RELN: variants seen among roughly 807,000 people sequenced by gnomAD.
RELN encodes reelin.
Under a neutral mutation model 427.6 loss-of-function variants are expected in RELN, and 108 were observed. The observed-to-expected ratio is 0.25, with a 90% CI of 0.22 to 0.30. The LOEUF is 0.30. Among genes scored for constraint, RELN ranks in the 10% least tolerant of loss-of-function variants. RELN has a pLI of 1.00. For synonymous variants in RELN, 1,524 were observed against 1,513.4 expected (o/e 1.01, Z -0.16); for missense variants, 3,715 against 4,302.8 (o/e 0.86, Z 3.82).
chr7:103,625,585 A>G (rs1832311642), intron 20 of RELN, among the ~76,000 whole-genome samples: 1 of 152,160 alleles, frequency 6.6e-6, no homozygotes, highest in Non-Finnish European at 1.5e-5. Flanking sequence ...GGTATTTGCT[A>G]TCTATGATCT....
chr7:103,766,516 T>C (rs1791427840), intron 4 of RELN, among the ~76,000 whole-genome samples: 1 of 152,210 alleles, frequency 6.6e-6, no homozygotes, highest in African/African-American at 2.4e-5. Flanking sequence ...AGATCTGATC[T>C]ACAATTTTTA....
intron 16 of RELN, among the ~76,000 whole-genome samples, chr7:103,645,177 G>A (rs2117373684): frequency 6.6e-6 from 1 of 151,760 alleles, no homozygotes; most frequent in African/African-American, 2.4e-5. Flanking sequence ...AAAAACAAAT[G>A]ACAGTATAAA....
intron 1 of RELN, among the ~76,000 whole-genome samples, chr7:103,973,689 ATGT>A (rs1305881301): frequency 4.6e-5 from 7 of 152,196 alleles, no homozygotes; most frequent in African/African-American, 1.4e-4. Context: ...ATACAGTAAA[ATGT>A]TGTGGAGCCA....
intron 46 of RELN, among the ~76,000 whole-genome samples, chr7:103,524,059 T>C (rs1418580538): frequency 6.6e-6 from 1 of 152,178 alleles, no homozygotes; most frequent in Non-Finnish European, 1.5e-5. Flanking sequence ...ATCATACAAT[T>C]TGGCCAAGTG....
At chr7:103,530,158 A>G (rs140167407) in intron 46 of RELN, among the ~76,000 whole-genome samples, 15 of 152,206 alleles carry the variant, frequency 9.9e-5, no homozygotes, top group African/African-American at 1.9e-4. Context: ...GTCTCTGTCA[A>G]ATGGACATTT....
intron 2 of RELN, among the ~76,000 whole-genome samples, chr7:103,906,104 A>G (rs1358356663): frequency 6.6e-6 from 1 of 152,054 alleles, no homozygotes; most frequent in African/African-American, 2.4e-5. Flanking sequence ...AGGTGTCTGG[A>G]AAAGAGGCTG....
chr7:103,531,329 C>T (rs747865846), intron 46 of RELN, among the ~76,000 whole-genome samples: 1 of 152,218 alleles, frequency 6.6e-6, no homozygotes, highest in Non-Finnish European at 1.5e-5. Flanking sequence ...AAATCATCTT[C>T]TTTCAGGAAG....
chr7:103,757,212 C>CT (rs1791181812), intron 4 of RELN, among the ~76,000 whole-genome samples: 1 of 152,124 alleles, frequency 6.6e-6, no homozygotes, highest in Admixed American at 6.5e-5. Flanking sequence ...GGCCTTTACT[C>CT]TTTCCTGTAT....
intron 2 of RELN, among the ~76,000 whole-genome samples, chr7:103,860,712 C>A (rs1334459555): frequency 6.6e-6 from 1 of 151,916 alleles, no homozygotes; most frequent in African/African-American, 2.4e-5. Context: ...CACCCGGCCC[C>A]AATTATAATT....
At chr7:103,566,152 T>C (rs2117187980) in intron 33 of RELN, 72 bp downstream of exon 33, 1 of 1,355,760 alleles carries the variant, frequency 7.4e-7, no homozygotes, top group Non-Finnish European at 1.1e-6. Flanking sequence ...TAGAAAGTTT[T>C]CTCCTGACTT....
In RELN at chr7:103,949,479, G is replaced by A. The variant is rs147531877; in HGVS notation, c.227-32294C>T. ...ATAAACGAGGAGCCCTCACGAACGC[G>A]ATTAGTGCTCTTAGAGGAAGAGACA... On this transcript the variant is annotated intron_variant, in intron 1 of 64. Transcript: ENST00000428762. Among the ~76,000 whole-genome samples, 219 of 152,120 alleles carry A rather than the reference G, an allele frequency of 1.4e-3. 3 individuals are homozygous for A. The East Asian group carries it at 0.035, about 24-fold the overall frequency.
intron 24 of RELN, among the ~76,000 whole-genome samples, chr7:103,602,509 G>GGAT (rs1324960738): frequency 6.6e-6 from 1 of 152,260 alleles, no homozygotes; most frequent in African/African-American, 2.4e-5. Flanking sequence ...CCATAAAAAA[G>GGAT]GATGAGTTCA....
At chr7:103,502,884 G>C (rs1477655318) in intron 52 of RELN, 132 bp downstream of exon 52, 1 of 780,844 alleles carries the variant, frequency 1.3e-6, no homozygotes, top group Non-Finnish European at 2.2e-6. Context: ...ACCAATTAGA[G>C]AACCTTTAGA....
chr7:103,776,801 C>T (rs1032690382), intron 3 of RELN, among the ~76,000 whole-genome samples, 174 bp from the exon 4 acceptor site: 1 of 152,150 alleles, frequency 6.6e-6, no homozygotes, highest in African/African-American at 2.4e-5. Flanking sequence ...TAAACCAAGG[C>T]ACCTGGGTTG....
At chr7:103,553,375 T>G in intron 40 of RELN, 86 bp downstream of exon 40, 17 of 1,041,242 alleles carry the variant, frequency 1.6e-5, no homozygotes, top group East Asian at 2.6e-5. Context: ...TCATAATGCA[T>G]GAAATTATCT....
chr7:103,553,637 AT>A (rs769963195), intron 39 of RELN, 22 bp downstream of exon 39: 10 of 1,613,702 alleles, frequency 6.2e-6, no homozygotes, highest in Non-Finnish European at 8.5e-6. Context: ...CAGTGGTTTT[AT>A]TTTTAGATTC....
intron 2 of RELN, among the ~76,000 whole-genome samples, chr7:103,847,059 C>T (rs565637137): frequency 5.9e-5 from 9 of 152,222 alleles, no homozygotes; most frequent in African/African-American, 2.2e-4. Context: ...CTCAGCAATC[C>T]CATCACTGGG....
chr7:103,976,994 C>A (rs1363131824), intron 1 of RELN, among the ~76,000 whole-genome samples: 3 of 151,816 alleles, frequency 2.0e-5, no homozygotes, highest in Non-Finnish European at 4.4e-5. Flanking sequence ...CTTTGATATT[C>A]CCTCGCAGGT....
At chr7:103,811,682 C>T (rs939693791) in intron 3 of RELN, among the ~76,000 whole-genome samples, 5 of 152,094 alleles carry the variant, frequency 3.3e-5, no homozygotes, top group East Asian at 1.9e-4. Flanking sequence ...TAAAGAAATG[C>T]CTCTAGTACA....
Sources: allele counts gnomAD v4.1 joint callset (sites outside exome capture counted in the v4.1 genomes callset), GRCh38; gene constraint gnomAD v4.1.1; transcripts MANE v1.5; gene names NCBI Gene and HGNC (gene_info 2026-07-23, HGNC 2026-07-21).